Variants in SDK1 observed in about 807,000 individuals in gnomAD.
SDK1 encodes the protein protein sidekick-1.
A neutral mutation model predicts 245.5 loss-of-function variants in SDK1; 157 were observed. The ratio of observed to expected loss-of-function variants is 0.64; its 90% confidence interval spans 0.56 to 0.73. The LOEUF is 0.73. SDK1 is among the 30% of genes least tolerant of loss of function. The pLI, the probability that SDK1 is intolerant of heterozygous loss-of-function variation, is 0.00. For missense variants in SDK1, 3,583 were observed against 3,002.3 expected (o/e 1.19, Z -4.52); for synonymous variants, 1,647 against 1,278.5 (o/e 1.29, Z -6.15).
chr7:3,417,029 C>G (rs1361813535), intron 1 of SDK1, among the ~76,000 whole-genome samples: 1 of 152,050 alleles, frequency 6.6e-6, no homozygotes, highest in Non-Finnish European at 1.5e-5. Context: ...CAAAAATTAG[C>G]TGGGCATGAT....
At chr7:3,436,726 AT>A (rs1425824013) in intron 1 of SDK1, among the ~76,000 whole-genome samples, 2 of 152,174 alleles carry the variant, frequency 1.3e-5, no homozygotes, top group Non-Finnish European at 2.9e-5. Flanking sequence ...TTGCCACTAA[AT>A]CGTGAAGAAT....
At chr7:3,846,659 G>A (rs1221626210) in intron 5 of SDK1, among the ~76,000 whole-genome samples, 1 of 152,176 alleles carries the variant, frequency 6.6e-6, no homozygotes, top group African/African-American at 2.4e-5. Flanking sequence ...TTCCGTTGAA[G>A]GCTAAAATTT....
chr7:3,607,727 T>A (rs573706630), intron 1 of SDK1, among the ~76,000 whole-genome samples: 1 of 152,244 alleles, frequency 6.6e-6, no homozygotes, highest in Non-Finnish European at 1.5e-5. Context: ...AAAGTAAATG[T>A]GTTGTGGATG....
At chr7:3,513,059 G>A (rs1226004883) in intron 1 of SDK1, among the ~76,000 whole-genome samples, 1 of 152,168 alleles carries the variant, frequency 6.6e-6, no homozygotes, top group African/African-American at 2.4e-5. Context: ...TTGGAGAACA[G>A]AGACATTTTT....
chr7:4,159,513 G>A (rs1780982596), intron 31 of SDK1, among the ~76,000 whole-genome samples: 1 of 152,240 alleles, frequency 6.6e-6, no homozygotes, highest in Non-Finnish European at 1.5e-5. Context: ...GAAAAGCACT[G>A]GCTGGCTTCT....
intron 4 of SDK1, among the ~76,000 whole-genome samples, chr7:3,708,990 C>T (rs1465558747): frequency 1.3e-5 from 2 of 152,112 alleles, no homozygotes; most frequent in Admixed American, 1.3e-4. Flanking sequence ...TTAATTGTTG[C>T]CTAGATACTT....
intron 1 of SDK1, among the ~76,000 whole-genome samples, chr7:3,369,321 G>T (rs980075939): frequency 2.0e-5 from 3 of 152,164 alleles, no homozygotes; most frequent in African/African-American, 4.8e-5. Context: ...GATTACAGAC[G>T]TGACCCAGTG....
chr7:4,124,325 C>G (rs1186497502), intron 25 of SDK1, among the ~76,000 whole-genome samples: 1 of 152,156 alleles, frequency 6.6e-6, no homozygotes, highest in South Asian at 2.1e-4. Context: ...GGGCCATGAT[C>G]CCCCTGAAAG....
At chr7:4,232,411 C>CTTTTTTTTTTT (rs71032930) in intron 40 of SDK1, among the ~76,000 whole-genome samples, 7 of 98,784 alleles carry the variant, frequency 7.1e-5, no homozygotes, top group East Asian at 3.1e-4. Context: ...TCTTTTCTTT[C>CTTTTTTTTTTT]TTTTTTTTTT....
chr7:3,700,975 G>A (rs1384406497), intron 4 of SDK1, among the ~76,000 whole-genome samples: 7 of 152,220 alleles, frequency 4.6e-5, no homozygotes, highest in African/African-American at 9.6e-5. Flanking sequence ...TGTGGAGAGC[G>A]GACATCTTGT....
intron 28 of SDK1, among the ~76,000 whole-genome samples, chr7:4,141,442 C>T (rs752731076): frequency 3.3e-5 from 5 of 152,320 alleles, no homozygotes; most frequent in Middle Eastern, 3.4e-3. Flanking sequence ...CATGGTGAAA[C>T]AGTAAAGATT....
At chr7:3,494,435 G>A (rs1468960465) in intron 1 of SDK1, among the ~76,000 whole-genome samples, 2 of 152,152 alleles carry the variant, frequency 1.3e-5, no homozygotes, top group African/African-American at 4.8e-5. Flanking sequence ...TGACTTGTAA[G>A]GGTATCAACA....
chr7:3,591,989 T>C (rs1195375638), intron 1 of SDK1, among the ~76,000 whole-genome samples: 1 of 152,204 alleles, frequency 6.6e-6, no homozygotes, highest in Non-Finnish European at 1.5e-5. Context: ...AGGCTACAGA[T>C]AGTTCTATAC....
At position 3,853,405 on chromosome 7, in the gene SDK1, T is replaced by TTG. The variant is rs768552414; in HGVS notation, c.847+31836_847+31837dup. 1.3e-3 allele frequency among the ~76,000 whole-genome samples: 204 copies of TTG among 151,812 alleles called. 1 individual carries two copies. The East Asian group carries it at 0.016, about 12-fold the overall frequency. On this transcript the variant is annotated intron_variant, in intron 5 of 44. Coordinates refer to ENST00000404826, the MANE Select transcript of SDK1 (RefSeq NM_152744.4). ...CAATCTGGCCTGTGTTTTAAAATTA[T>TTG]TGTGTGTGTGTGTGTATGTGTTTAA...
chr7:3,975,303 C>G lies in SDK1; in HGVS notation c.1994+758C>G, dbSNP rs948919670. Among the ~76,000 whole-genome samples, 24 of 152,128 alleles carry G rather than the reference C, an allele frequency of 1.6e-4. 1 individual carries two copies. The highest frequency in any genetic ancestry group is 1.6e-3 in the Admixed American group (24 of 15,276). On this transcript the variant is annotated intron_variant, in intron 13 of 44. Coordinates refer to ENST00000404826, the MANE Select transcript of SDK1 (RefSeq NM_152744.4). ...AATAAAACCTGAAAATAAAGAATCC[C>G]AACCGAGCACTCATCAAGGCAGTGG... is the stretch of plus-strand genomic sequence containing the variant.
At chr7:3,891,576 C>T (rs1781460884) in intron 5 of SDK1, among the ~76,000 whole-genome samples, 1 of 152,216 alleles carries the variant, frequency 6.6e-6, no homozygotes, top group South Asian at 2.1e-4. Flanking sequence ...CGTGTGCCTA[C>T]AGTCATTTTT....
At chr7:3,956,937 G>A (rs796802487) in intron 7 of SDK1, among the ~76,000 whole-genome samples, 5 of 152,310 alleles carry the variant, frequency 3.3e-5, no homozygotes, top group African/African-American at 1.2e-4. Context: ...ACTGTACCAG[G>A]CGACAACGGT....
At chr7:4,130,239 T>C (rs1294293280) in intron 27 of SDK1, 142 bp downstream of exon 27, 1 of 975,590 alleles carries the variant, frequency 1.0e-6, no homozygotes, top group East Asian at 2.7e-5. Context: ...AACAAAATTG[T>C]TTTTCAGTCA....
intron 22 of SDK1, among the ~76,000 whole-genome samples, chr7:4,101,218 G>GGCTCACT (rs1246381355): frequency 1.7e-4 from 25 of 150,448 alleles, no homozygotes; most frequent in Admixed American, 7.3e-4. Context: ...GTGCGATCTC[G>GGCTCACT]GCAAGCTCCG....
Sources: gnomAD v4.1 joint callset for allele counts (sites outside exome capture counted in the v4.1 genomes callset) on GRCh38, gnomAD v4.1.1 for gene constraint, MANE v1.5 for transcripts, NCBI Gene and HGNC (gene_info 2026-07-23, HGNC 2026-07-21) for gene names.